NFIA: variants seen among roughly 807,000 people sequenced by gnomAD.
NFIA encodes the protein nuclear factor I A, also known as nuclear factor 1 A-type.
Under a neutral mutation model 62.8 loss-of-function variants are expected in NFIA, and 8 were observed. The ratio of observed to expected loss-of-function variants is 0.13; its 90% CI spans 0.07 to 0.23. The LOEUF is 0.23. Among genes scored for constraint, NFIA ranks in the 10% least tolerant of loss-of-function variants. The pLI is 1.00. For synonymous variants in NFIA, 235 were observed against 238.1 expected, an observed-to-expected ratio of 0.99 and a Z score of 0.12; for missense variants, 410 against 642.1, an observed-to-expected ratio of 0.64 and a Z score of 3.91.
At chr1:61,288,978 C>T (rs2100302823) in intron 3 of NFIA, among the ~76,000 whole-genome samples, 1 of 152,258 alleles carries the variant, frequency 6.6e-6, no homozygotes, top group Non-Finnish European at 1.5e-5. Flanking sequence ...CTATGTTGTC[C>T]AGGCTGGGTT....
intron 2 of NFIA, among the ~76,000 whole-genome samples, chr1:61,236,157 TAA>T (rs796914311): frequency 2.9e-5 from 4 of 138,312 alleles, no homozygotes; most frequent in Admixed American, 7.2e-5. Flanking sequence ...AAGTCCATCT[TAA>T]AAAAAAAAAA....
At chr1:61,286,334 A>C (rs1472289362) in intron 3 of NFIA, among the ~76,000 whole-genome samples, 3 of 151,164 alleles carry the variant, frequency 2.0e-5, no homozygotes, top group Non-Finnish European at 4.4e-5. Flanking sequence ...AGGCTGAGGC[A>C]GGAGAATGGC....
At chr1:61,247,096 A>G (rs759116019) in intron 2 of NFIA, among the ~76,000 whole-genome samples, 5 of 152,198 alleles carry the variant, frequency 3.3e-5, no homozygotes, top group African/African-American at 4.8e-5. Flanking sequence ...TCTTCCAGCC[A>G]TCTGCCATGT....
intron 2 of NFIA, among the ~76,000 whole-genome samples, chr1:61,168,511 T>C (rs527265795): frequency 6.6e-6 from 1 of 152,308 alleles, no homozygotes; most frequent in African/African-American, 2.4e-5. Context: ...TACAGCTGGG[T>C]GAGACTTTGT....
intron 2 of NFIA, among the ~76,000 whole-genome samples, chr1:61,228,517 T>C (rs1261235882): frequency 2.6e-5 from 4 of 152,190 alleles, no homozygotes; most frequent in Non-Finnish European, 5.9e-5. Flanking sequence ...CAAATAATAA[T>C]GGCCAAAATG....
chr1:61,173,203 G>C (rs1650082143), intron 2 of NFIA, among the ~76,000 whole-genome samples: 1 of 152,140 alleles, frequency 6.6e-6, no homozygotes, highest in Non-Finnish European at 1.5e-5. Context: ...AAGAAAAATT[G>C]GTAGTTCTTG....
In NFIA at chr1:61,406,726, A is replaced by G. The variant is rs748166761; in HGVS notation, c.1419A>G (p.Pro473=). ...TEGGAASPTS[P]TYSTPSTSPA... is the part of the protein sequence containing the mutation. ...GAGGTGCAGCCTCCCCCACGTCACC[A>G]AGTAAGTATGGCTGCGACAAGGCGC... is the stretch of plus-strand genomic sequence containing the variant. Residue 473 remains proline (P), a splice_region_variant and synonymous_variant, in exon 9 of 11, where the codon CCA becomes CCG. Coordinates refer to ENST00000403491, the MANE Select transcript of NFIA (RefSeq NM_001134673.4). 3 of 1,606,484 alleles carry G rather than the reference A, an allele frequency of 1.9e-6. No homozygotes were observed. Among genetic ancestry groups the G allele is most frequent in the Non-Finnish European group, 2.5e-6 (3 of 1,176,514 alleles).
At chr1:61,360,089 TA>T (rs1663202523) in intron 6 of NFIA, among the ~76,000 whole-genome samples, 1 of 152,208 alleles carries the variant, frequency 6.6e-6, no homozygotes, top group Non-Finnish European at 1.5e-5. Flanking sequence ...TCATCATGAT[TA>T]TTTTTCTATT....
intron 2 of NFIA, among the ~76,000 whole-genome samples, chr1:61,191,981 A>G (rs1651659460): frequency 1.3e-5 from 2 of 151,400 alleles, no homozygotes; most frequent in Admixed American, 6.6e-5. Context: ...TTTTTTTGAC[A>G]TGGAGTCTTG....
At chr1:61,077,612 C>CT, upstream of NFIA, 1 of 1,416,704 alleles carries the variant, frequency 7.1e-7, no homozygotes, top group South Asian at 1.6e-5. Context: ...CTCACGTACT[C>CT]TTTTTACATT....
intron 5 of NFIA, among the ~76,000 whole-genome samples, chr1:61,356,477 G>T (rs1183514161): frequency 1.3e-5 from 2 of 152,140 alleles, no homozygotes; most frequent in Non-Finnish European, 2.9e-5. Context: ...CTTAAGTTTA[G>T]CCCTGAGCTT....
At chr1:61,295,093 A>G (rs994859571) in intron 3 of NFIA, among the ~76,000 whole-genome samples, 3 of 152,196 alleles carry the variant, frequency 2.0e-5, no homozygotes, top group African/African-American at 7.2e-5. Context: ...GCAGGATTTC[A>G]GGCTCCACAT....
In NFIA at chr1:61,235,753, C is replaced by T. The variant is rs563625052; in HGVS notation, c.560-41767C>T. 9.5e-5 allele frequency among the ~76,000 whole-genome samples: 14 copies of T among 147,742 alleles called. No individual in the cohort carries two copies. In the South Asian group the frequency reaches 3.0e-3, roughly 31 times the overall value. On this transcript the variant is annotated intron_variant, in intron 2 of 10. Coordinates refer to ENST00000403491, the MANE Select transcript of NFIA (RefSeq NM_001134673.4). ...GCTTGAACCTGGGAAGTTGAAGCTG[C>T]AGTGAGCTGTGATAGTGCCACTGCA...
chr1:61,177,930 G>A (rs372033350), intron 2 of NFIA, among the ~76,000 whole-genome samples: 6 of 152,150 alleles, frequency 3.9e-5, no homozygotes, highest in Non-Finnish European at 8.8e-5. Flanking sequence ...ATCTATAGGA[G>A]ACTTTATCCT....
intron 2 of NFIA, among the ~76,000 whole-genome samples, chr1:61,149,715 T>C (rs1377826722): frequency 6.6e-6 from 1 of 152,248 alleles, no homozygotes; most frequent in Non-Finnish European, 1.5e-5. Flanking sequence ...TTAACTTCTC[T>C]GAGTTCCCCT....
chr1:61,455,396 A>T lies in NFIA; in HGVS notation c.*76A>T, dbSNP rs1381207436. 1 of 1,611,408 alleles carries T rather than the reference A, an allele frequency of 6.2e-7. No homozygotes were observed. The stretch of plus-strand genomic sequence containing the variant: ...ACTCTGTAACATGGACGCAACCTCA[A>T]CCCAGCGCAGTTACAACTTCACTAT... On this transcript the variant is annotated 3_prime_UTR_variant, in exon 11 of 11. Coordinates refer to ENST00000403491, the MANE Select transcript of NFIA (RefSeq NM_001134673.4).
intron 2 of NFIA, among the ~76,000 whole-genome samples, chr1:61,183,349 A>G (rs1037255828): frequency 2.0e-5 from 3 of 152,208 alleles, no homozygotes; most frequent in African/African-American, 7.2e-5. Context: ...AGGTAGTTTC[A>G]AGGAGCAAAT....
At chr1:61,145,207 T>C (rs1460376456) in intron 2 of NFIA, among the ~76,000 whole-genome samples, 1 of 152,206 alleles carries the variant, frequency 6.6e-6, no homozygotes, top group Non-Finnish European at 1.5e-5. Context: ...AGGAAATTAA[T>C]GCTTCCCTTA....
At chr1:61,126,079 CTAAGTT>C (rs1646962165) in intron 2 of NFIA, among the ~76,000 whole-genome samples, 2 of 152,076 alleles carry the variant, frequency 1.3e-5, no homozygotes, top group Non-Finnish European at 2.9e-5. Context: ...AGTGAGGAAA[CTAAGTT>C]TATATAAGTG....
Sources: gnomAD v4.1 joint callset for allele counts (sites outside exome capture counted in the v4.1 genomes callset) on GRCh38, gnomAD v4.1.1 for gene constraint, MANE v1.5 for transcripts, NCBI Gene and HGNC (gene_info 2026-07-23, HGNC 2026-07-21) for gene names.